The following SLCO3A1 variants were observed in gnomAD, a reference collection of about 807,000 sequenced individuals.
The protein encoded by SLCO3A1 is solute carrier organic anion transporter family member 3A1.
A neutral mutation model predicts 63.1 loss-of-function variants in SLCO3A1; 27 were observed. That is an observed-to-expected ratio of 0.43 (90% CI 0.32 to 0.59). The LOEUF (loss-of-function observed/expected upper bound fraction) is 0.59, where lower values mean the gene tolerates loss of function less well. Ranked by LOEUF, SLCO3A1 falls within the 20% of genes least tolerant of loss-of-function variation. The pLI, the probability that SLCO3A1 is intolerant of heterozygous loss-of-function variation, is 0.09. For missense variants in SLCO3A1, 773 were observed against 945.8 expected, an observed-to-expected ratio of 0.82 and a Z score of 2.40; for synonymous variants, 473 against 409.9, an observed-to-expected ratio of 1.15 and a Z score of -1.86.
chr15:92,143,808 G>A (rs2048182953), intron 7 of SLCO3A1, among the ~76,000 whole-genome samples: 1 of 152,074 alleles, frequency 6.6e-6, no homozygotes, highest in Non-Finnish European at 1.5e-5. Flanking sequence ...GAAGTAAGAG[G>A]AAGAAGCAAA....
At chr15:92,024,202 C>A (rs2046543266) in intron 2 of SLCO3A1, among the ~76,000 whole-genome samples, 1 of 152,276 alleles carries the variant, frequency 6.6e-6, no homozygotes, top group Non-Finnish European at 1.5e-5. Flanking sequence ...GCAATCCCCA[C>A]TTCCATACAT....
intron 10 of SLCO3A1, chr15:92,171,262 C>T (rs1158025201): frequency 2.6e-5 from 4 of 152,856 alleles, no homozygotes; most frequent in Non-Finnish European, 5.8e-5. Context: ...GGCTTAAAAA[C>T]CTTGCTCCAA....
intron 1 of SLCO3A1, among the ~76,000 whole-genome samples, chr15:91,858,591 A>G (rs1026871870): frequency 1.3e-5 from 2 of 152,188 alleles, no homozygotes; most frequent in African/African-American, 4.8e-5. Context: ...CCCTCATTCA[A>G]TTTTAGACAC....
intron 2 of SLCO3A1, among the ~76,000 whole-genome samples, chr15:92,066,293 A>T (rs532582228): frequency 6.6e-5 from 10 of 152,318 alleles, no homozygotes; most frequent in Non-Finnish European, 1.5e-4. Context: ...CAACGGAAAG[A>T]ACCTGTTCAA....
intron 2 of SLCO3A1, among the ~76,000 whole-genome samples, chr15:92,045,100 G>A (rs1209516025): frequency 6.6e-6 from 1 of 152,082 alleles, no homozygotes; most frequent in East Asian, 1.9e-4. Context: ...CTAATGTGGT[G>A]AAACACCGTC....
intron 7 of SLCO3A1, among the ~76,000 whole-genome samples, chr15:92,132,113 T>G (rs1042202237): frequency 6.9e-6 from 1 of 145,618 alleles, no homozygotes; most frequent in African/African-American, 2.5e-5. Context: ...TTCTCTTGTT[T>G]AGCAGTTGGC....
At position 92,104,161 on chromosome 15, in the gene SLCO3A1, G is replaced by A. The variant is rs145736932; in HGVS notation, c.746-118G>A. ...TCGTAGCCTGGCAGCCAGTGTTCCC[G>A]ACCGCAAGTCATTTCTAGAGCCCTT... On this transcript the variant is annotated intron_variant, in intron 3 of 9. Coordinates refer to ENST00000318445, the MANE Select transcript of SLCO3A1 (RefSeq NM_013272.4). 1.5e-3 allele frequency: 1,802 copies of A among 1,203,130 alleles called. 20 individuals are homozygous for A. The African/African-American group carries it at 0.023, about 16-fold the overall frequency. 74.5% of individuals were successfully genotyped at this position (1,203,130 alleles called of 1,614,324 possible). A position where few individuals can be genotyped will look rare whatever the true frequency, so the allele number is the denominator to read the frequency against.
At chr15:91,896,166 TG>T (rs1234677488) in intron 1 of SLCO3A1, among the ~76,000 whole-genome samples, 1 of 152,144 alleles carries the variant, frequency 6.6e-6, no homozygotes, top group African/African-American at 2.4e-5. Flanking sequence ...GTTCATAATA[TG>T]GTTGTAGAAT....
chr15:92,114,243 T>A (rs933572429), intron 4 of SLCO3A1, among the ~76,000 whole-genome samples: 15 of 152,192 alleles, frequency 9.9e-5, no homozygotes, highest in African/African-American at 3.4e-4. Context: ...GTTCATAAGT[T>A]TTTTTCTGTT....
intron 2 of SLCO3A1, among the ~76,000 whole-genome samples, chr15:91,973,721 G>T (rs1005601429): frequency 1.3e-5 from 2 of 152,092 alleles, no homozygotes; most frequent in Non-Finnish European, 2.9e-5. Flanking sequence ...GAGAGGCTGC[G>T]GATGCTGTCA....
Position 91,853,983 on chromosome 15 carries a change from G to A in SLCO3A1, c.75G>A (p.Arg25=), listed in dbSNP as rs1373931517. 6.5e-7 allele frequency: 1 copy of A among 1,528,124 alleles called. No individual in the cohort carries two copies. The highest frequency in any genetic ancestry group is 8.8e-7 in the Non-Finnish European group (1 of 1,136,870). The allele number at this position is 1,528,124 out of a possible 1,614,324, so 94.7% of individuals were successfully genotyped here. ...SGELQGDEAQ[R]NKKKKKKVSC... ...AGCTGCAGGGGGACGAGGCGCAGAG[G>A]AACAAGAAAAAGAAAAAGAAGGTGT... is the stretch of plus-strand genomic sequence containing the variant. The change falls in exon 1 of 10, where the codon AGG becomes AGA. Residue 25 remains arginine, a synonymous_variant. Transcript: ENST00000318445.
At chr15:92,042,594 T>G (rs1304332789) in intron 2 of SLCO3A1, among the ~76,000 whole-genome samples, 6 of 152,124 alleles carry the variant, frequency 3.9e-5, no homozygotes, top group Non-Finnish European at 8.8e-5. Context: ...GCCCACGTCC[T>G]ACAAAGCACA....
intron 3 of SLCO3A1, 142 bp from the exon 4 acceptor site, chr15:92,104,137 C>A (rs1224236620): frequency 4.3e-6 from 4 of 931,686 alleles, no homozygotes; most frequent in East Asian, 2.4e-5. Context: ...CAATAGGCTT[C>A]GTAGCCTGGC....
At chr15:91,989,171 C>T (rs2046093654) in intron 2 of SLCO3A1, among the ~76,000 whole-genome samples, 1 of 152,198 alleles carries the variant, frequency 6.6e-6, no homozygotes. Flanking sequence ...CTCTATTAAC[C>T]TGCCGCAAAT....
At chr15:91,908,922 G>A (rs531014514) in intron 1 of SLCO3A1, among the ~76,000 whole-genome samples, 238 of 152,222 alleles carry the variant, frequency 1.6e-3, no homozygotes, top group Non-Finnish European at 3.1e-3. Context: ...TTAGCTGGGC[G>A]TGGTGGCGGG....
At chr15:92,159,626 G>C (rs2048412975) in intron 9 of SLCO3A1, among the ~76,000 whole-genome samples, 1 of 149,210 alleles carries the variant, frequency 6.7e-6, no homozygotes, top group Admixed American at 6.7e-5. Context: ...GAATGCAGTG[G>C]CGTGATCATG....
At position 92,080,516 on chromosome 15, in the gene SLCO3A1, G is replaced by A. The variant is rs146955040; in HGVS notation, c.647-14365G>A. ...AATCTAGGAAGGCCCCTTGGAGGAG[G>A]TGGTATTTAAGGCAGGCTTTGAATG... On this transcript the variant is annotated intron_variant, in intron 2 of 9. Coordinates refer to ENST00000318445, the MANE Select transcript of SLCO3A1 (RefSeq NM_013272.4). Among the ~76,000 whole-genome samples, 126 of 152,278 alleles carry A rather than the reference G, an allele frequency of 8.3e-4. 1 individual carries two copies. Among genetic ancestry groups the A allele is most frequent in the African/African-American group, 3.0e-3 (125 of 41,558 alleles).
chr15:92,143,472 AT>A lies in SLCO3A1; in HGVS notation c.1513-3511del, dbSNP rs2048176607. Among the ~76,000 whole-genome samples the A allele has an allele frequency of 6.7e-5, 2 of 29,852 alleles. 1 individual carries two copies. The allele number at this position is 29,852 out of a possible 152,430, so 19.6% of individuals were successfully genotyped here. On this transcript the variant is annotated intron_variant, in intron 7 of 9. Transcript: ENST00000318445. Reference sequence around the variant, plus strand: ...TATAATATATATAATATATATAAATATATATATATATTATATATATGTATAT... The same window carrying A: ...TATAATATATATAATATATATAAATAATATATATATTATATATATGTATAT...
chr15:92,142,724 G>A (rs2238353), intron 7 of SLCO3A1, among the ~76,000 whole-genome samples: 15,231 of 152,162 alleles, frequency 0.1, 1,184 homozygotes, highest in East Asian at 0.4. Flanking sequence ...TCACCCGGAT[G>A]GGGCTGTGCA....
Sources: allele counts gnomAD v4.1 joint callset (sites outside exome capture counted in the v4.1 genomes callset), GRCh38; gene constraint gnomAD v4.1.1; transcripts MANE v1.5; gene names NCBI Gene and HGNC (gene_info 2026-07-23, HGNC 2026-07-21).